LAX1: variants seen among roughly 807,000 people sequenced by gnomAD.
The protein encoded by LAX1 is lymphocyte transmembrane adaptor 1, also known as lymphocyte transmembrane adapter 1.
In LAX1, 17 loss-of-function variants were observed where a neutral mutation model predicts 20.7. The observed-to-expected ratio is 0.82, with a 90% confidence interval of 0.56 to 1.23. The LOEUF (loss-of-function observed/expected upper bound fraction) is 1.23, where lower values mean the gene tolerates loss of function less well. Among genes scored for constraint, LAX1 ranks in the 50% most tolerant of loss-of-function variants. The probability of loss-of-function intolerance (pLI) is 0.00; values close to 1 mark genes in which losing one functional copy is unlikely to be tolerated. For synonymous variants in LAX1, 165 were observed against 181.0 expected (o/e 0.91, Z 0.71); for missense variants, 470 against 487.0 (o/e 0.97, Z 0.33).
chr1:203,774,863 C>T lies in LAX1; in HGVS notation c.*182C>T. 1.7e-6 allele frequency: 1 copy of T among 597,256 alleles called. No homozygotes were observed. The highest frequency in any genetic ancestry group is 2.9e-6 in the Non-Finnish European group (1 of 340,804). The allele number at this position is 597,256 out of a possible 1,614,324, so 37.0% of individuals were successfully genotyped here. A position where few individuals can be genotyped will look rare whatever the true frequency, so the allele number is the denominator to read the frequency against. ...ACACAAAAGCAGAGGTTTGGGAATT[C>T]CAGAAGGGAATTCTTCTCAAGCAGA... On this transcript the variant is annotated 3_prime_UTR_variant, in exon 5 of 5. Transcript: ENST00000442561.
At chr1:203,772,002 G>A in intron 3 of LAX1, 66 bp from the exon 4 acceptor site, 2 of 1,248,976 alleles carry the variant, frequency 1.6e-6, no homozygotes, top group Non-Finnish European at 2.4e-6. Flanking sequence ...CCATGATGCA[G>A]GGATTATTTG....
At chr1:203,771,259 A>G (rs1014544800) in intron 2 of LAX1, 108 bp from the exon 3 acceptor site, 1 of 786,480 alleles carries the variant, frequency 1.3e-6, no homozygotes, top group Non-Finnish European at 2.3e-6. Context: ...TTTTGTGAGA[A>G]CTGGCAAGGA....
In LAX1 at chr1:203,765,656, T is replaced by C; in HGVS notation, c.89+2T>C. On this transcript the variant is annotated splice_donor_variant, in intron 1 of 4. Coordinates refer to ENST00000442561, the MANE Select transcript of LAX1 (RefSeq NM_017773.4). LOFTEE classifies it high-confidence loss of function. ...TGTGACTCCCCGCAGCCTGGACAGG[T>C]GAGTGACTCAGGGTGGTGAGCTCCA... 2 of 1,613,710 alleles carry C rather than the reference T, an allele frequency of 1.2e-6. No individual in the cohort carries two copies. The highest frequency in any genetic ancestry group is 1.7e-6 in the Non-Finnish European group (2 of 1,179,858).
chr1:203,766,898 C>T (rs1667313480), intron 1 of LAX1, among the ~76,000 whole-genome samples: 1 of 152,018 alleles, frequency 6.6e-6, no homozygotes. Context: ...CTCTGTCGCC[C>T]AGGCTGGAGT....
At chr1:203,772,758 C>T (rs1027243107) in intron 4 of LAX1, among the ~76,000 whole-genome samples, 3 of 145,208 alleles carry the variant, frequency 2.1e-5, no homozygotes, top group Non-Finnish European at 4.5e-5. Flanking sequence ...TCACTCCAAC[C>T]TCTGCTTCCT....
intron 1 of LAX1, 141 bp from the exon 2 acceptor site, chr1:203,770,687 T>C: frequency 1.5e-6 from 1 of 663,096 alleles, no homozygotes; most frequent in South Asian, 1.8e-5. Flanking sequence ...GAGATAACCC[T>C]CTCTTCCACC....
intron 1 of LAX1, 56 bp from the exon 2 acceptor site, chr1:203,770,772 C>T: frequency 7.2e-7 from 1 of 1,395,326 alleles, no homozygotes; most frequent in East Asian, 2.3e-5. Flanking sequence ...GGAAATGTCT[C>T]CTCCAGCCTC....
At chr1:203,768,204 G>A (rs530530828) in intron 1 of LAX1, among the ~76,000 whole-genome samples, 4 of 152,180 alleles carry the variant, frequency 2.6e-5, no homozygotes, top group South Asian at 4.1e-4. Context: ...CCAGCTACTC[G>A]GGAGGCTGAG....
At chr1:203,773,263 G>A (rs539950249) in intron 4 of LAX1, among the ~76,000 whole-genome samples, 1 of 152,040 alleles carries the variant, frequency 6.6e-6, no homozygotes, top group South Asian at 2.1e-4. Flanking sequence ...TCTGCTGCCC[G>A]GTAACAGAAC....
chr1:203,770,463 A>AGAGAGAGAGAG, intron 1 of LAX1, among the ~76,000 whole-genome samples: 1 of 11,442 alleles, frequency 8.7e-5, no homozygotes, highest in East Asian at 1.9e-3. Context: ...GAAAGGAAGG[A>AGAGAGAGAGAG]AGGAAGGAAG....
chr1:203,773,893 G>A lies in LAX1; in HGVS notation c.409G>A (p.Ala137Thr), dbSNP rs1295595907. 2 of 1,605,034 alleles carry A rather than the reference G, an allele frequency of 1.2e-6. No individual in the cohort carries two copies. Among genetic ancestry groups the A allele is most frequent in the Non-Finnish European group, 1.7e-6 (2 of 1,175,668 alleles). Residue 137 changes from alanine (A) to threonine (T), a missense_variant, in exon 5 of 5, where the codon GCC (alanine) becomes ACC (threonine). By Grantham distance (58) the Ala-to-Thr change is moderately conservative. Coordinates refer to ENST00000442561, the MANE Select transcript of LAX1 (RefSeq NM_017773.4). ...TTCATAGCCCTCCCAAGCAGGCAAT[G>A]CCTTCCAGGAGCATACAGCCCACAT... is the stretch of plus-strand genomic sequence containing the variant. ...PEHVPSQAGN[A>T]FQEHTAHIHA...
intron 3 of LAX1, 52 bp downstream of exon 3, chr1:203,771,529 C>A: frequency 9.3e-7 from 1 of 1,076,874 alleles, no homozygotes; most frequent in Non-Finnish European, 1.5e-6. Context: ...CTTCTACTCC[C>A]AGAATGTGCC....
At position 203,774,818 on chromosome 1, in the gene LAX1, G is replaced by A. The variant is rs1284654503; in HGVS notation, c.*137G>A. On this transcript the variant is annotated 3_prime_UTR_variant, in exon 5 of 5. Coordinates refer to ENST00000442561, the MANE Select transcript of LAX1 (RefSeq NM_017773.4). ...GGTTAGATTAAAAAGAGGCTGAGAT[G>A]AGCAGTGAACTAAGAGGCCACACAA... is the stretch of plus-strand genomic sequence containing the variant. 10 of 708,724 alleles carry A rather than the reference G, an allele frequency of 1.4e-5. No homozygotes were observed. Among genetic ancestry groups the A allele is most frequent in the Non-Finnish European group, 2.1e-5 (9 of 433,684 alleles). 43.9% of individuals were successfully genotyped at this position (708,724 alleles called of 1,614,324 possible). A position where few individuals can be genotyped will look rare whatever the true frequency, so the allele number is the denominator to read the frequency against.
intron 1 of LAX1, among the ~76,000 whole-genome samples, chr1:203,766,162 T>C (rs1019720764): frequency 2.0e-5 from 3 of 152,120 alleles, no homozygotes; most frequent in African/African-American, 7.2e-5. Context: ...TAAAAATCCA[T>C]CCACAGTTGA....
At chr1:203,770,502 G>GAAAGAAAGAGAAAGA (rs1667396528) in intron 1 of LAX1, among the ~76,000 whole-genome samples, 1 of 30,972 alleles carries the variant, frequency 3.2e-5, no homozygotes, top group African/African-American at 1.0e-4. Context: ...AGGAAGGAAG[G>GAAAGAAAGAGAAAGA]AAGGAAGGAA....
At chr1:203,770,762 G>T in intron 1 of LAX1, 66 bp from the exon 2 acceptor site, 1 of 1,311,174 alleles carries the variant, frequency 7.6e-7, no homozygotes, top group African/African-American at 1.5e-5. Flanking sequence ...AACTCCAAAA[G>T]GAAATGTCTC....
At chr1:203,770,548 AG>A (rs1222090562) in intron 1 of LAX1, among the ~76,000 whole-genome samples, 1 of 142,964 alleles carries the variant, frequency 7.0e-6, no homozygotes, top group South Asian at 2.3e-4. Context: ...AAAGAAAGAA[AG>A]AAAGAAAGAA....
intron 1 of LAX1, among the ~76,000 whole-genome samples, chr1:203,769,908 C>T (rs1216871144): frequency 6.6e-5 from 10 of 152,098 alleles, no homozygotes; most frequent in Non-Finnish European, 2.9e-5. Context: ...GAGTAGGGAA[C>T]AAGAAGGGGC....
intron 4 of LAX1, 55 bp downstream of exon 4, chr1:203,772,202 G>T (rs901472110): frequency 5.8e-6 from 8 of 1,368,946 alleles, no homozygotes; most frequent in Admixed American, 1.7e-5. Context: ...GAACTGCGGG[G>T]AAAGAGTTAT....
Sources: gnomAD v4.1 joint callset for allele counts (sites outside exome capture counted in the v4.1 genomes callset) on GRCh38, gnomAD v4.1.1 for gene constraint, MANE v1.5 for transcripts, NCBI Gene and HGNC (gene_info 2026-07-23, HGNC 2026-07-21) for gene names.